FUS: variants seen among roughly 807,000 people sequenced by gnomAD.
FUS encodes RNA-binding protein FUS.
A neutral mutation model predicts 82.7 loss-of-function variants in FUS; 5 were observed. That is an observed-to-expected ratio of 0.06 (90% confidence interval 0.03 to 0.13). The LOEUF is 0.13. Among genes scored for constraint, FUS ranks in the 10% least tolerant of loss-of-function variants. The pLI is 1.00. For missense variants in FUS, 512 were observed against 707.8 expected, an observed-to-expected ratio of 0.72 and a Z score of 3.14; for synonymous variants, 281 against 247.4, an observed-to-expected ratio of 1.14 and a Z score of -1.27.
downstream of FUS, chr16:31,192,125 G>A (rs549602004): frequency 1.5e-3 from 781 of 531,302 alleles, 6 homozygotes; most frequent in South Asian, 0.012. Context: ...CTGCCCTGGT[G>A]AACAGCGCTT....
At chr16:31,193,737 A>G, downstream of FUS, 4 of 532,180 alleles carry the variant, frequency 7.5e-6, no homozygotes, top group Non-Finnish European at 1.5e-5. Context: ...CTCTCAAGCC[A>G]ACCTCCCACC....
At chr16:31,184,491 T>A in intron 5 of FUS, 95 bp downstream of exon 5, 1 of 1,196,052 alleles carries the variant, frequency 8.4e-7, no homozygotes, top group Non-Finnish European at 1.2e-6. Context: ...TTGCTGAGGC[T>A]GGAGTGCAGT....
In FUS at chr16:31,185,129, C is replaced by T. The variant is rs368618806; in HGVS notation, c.714C>T (p.Gly238=). 1.5e-4 allele frequency: 245 copies of T among 1,610,522 alleles called. No individual in the cohort carries two copies. The highest frequency in any genetic ancestry group is 1.4e-5 in the Non-Finnish European group (16 of 1,178,640). ...GGGGYNRSSG[G]YEPRGRGGGR... is the part of the protein sequence containing the mutation. ...GTGGTTACAACCGCAGCAGTGGTGG[C>T]TATGAACCCAGAGGTCGTGGAGGTG... The change falls in exon 6 of 15, where the codon GGC becomes GGT. Residue 238 remains glycine, a synonymous_variant. Coordinates refer to ENST00000254108, the MANE Select transcript of FUS (RefSeq NM_004960.4).
Position 31,183,848 on chromosome 16 carries a change from AT to A in FUS, c.191-9del. ...TGGCTTTTGTGACTCCCTTTTTCTT[AT>A]CCTGGTAGCAGGCTATGGAACTCAG... On this transcript the variant is annotated splice_polypyrimidine_tract_variant and intron_variant, in intron 3 of 14. Coordinates refer to ENST00000254108, the MANE Select transcript of FUS (RefSeq NM_004960.4). The A allele has an allele frequency of 1.2e-6, 2 of 1,613,956 alleles. No homozygotes were observed. Among genetic ancestry groups the A allele is most frequent in the Non-Finnish European group, 1.7e-6 (2 of 1,180,012 alleles).
At chr16:31,185,578 C>G (rs1403339813) in intron 6 of FUS, 1 of 531,680 alleles carries the variant, frequency 1.9e-6, no homozygotes, top group African/African-American at 1.9e-5. Context: ...CCCATGTGTC[C>G]TCTAGGGAGT....
Position 31,182,522 on chromosome 16 carries a change from C to G in FUS, c.48C>G (p.Ala16=). The G allele has an allele frequency of 1.9e-6, 3 of 1,614,104 alleles. No homozygotes were observed. Among genetic ancestry groups the G allele is most frequent in the East Asian group, 2.2e-5 (1 of 44,872 alleles). ...TTTTCCTTTTATTTAGCTATGGGGC[C>G]TACCCCACCCAGCCCGGGCAGGGCT... The part of the protein sequence containing the change: ...YTQQATQSYG[A]YPTQPGQGYS... Residue 16 remains alanine (A), a synonymous_variant, in exon 3 of 15, where the codon GCC becomes GCG. Coordinates refer to ENST00000254108, the MANE Select transcript of FUS (RefSeq NM_004960.4).
At chr16:31,194,167 T>C (rs753284063), downstream of FUS, 14 of 531,162 alleles carry the variant, frequency 2.6e-5, no homozygotes, top group South Asian at 1.8e-4. Context: ...TACTTGGATG[T>C]AGGGCTGCAG....
downstream of FUS, chr16:31,192,434 T>G (rs1389598809): frequency 5.7e-6 from 3 of 523,124 alleles, no homozygotes; most frequent in Admixed American, 6.7e-5. Flanking sequence ...GAGCGTAACA[T>G]TAACCCAAGA....
rs1452330341 is a variant in FUS, at chr16:31,189,715, A to C, written c.987A>C (p.Glu329Asp). Reference protein sequence around the residue: ...QPMINLYTDRETGKLKGEATV... With the variant: ...QPMINLYTDRDTGKLKGEATV... ...TGATTAATTTGTACACAGACAGGGA[A>C]ACTGGCAAGCTGAAGGGAGAGGCAA... Residue 329 changes from glutamate (E) to aspartate (D), a missense_variant, in exon 10 of 15, where the codon GAA becomes GAC. By Grantham distance (45) the Glu-to-Asp change is conservative. Coordinates refer to ENST00000254108, the MANE Select transcript of FUS (RefSeq NM_004960.4). 6.2e-7 allele frequency: 1 copy of C among 1,614,096 alleles called. No homozygotes were observed. Among genetic ancestry groups the C allele is most frequent in the Admixed American group, 1.7e-5 (1 of 60,006 alleles).
At position 31,190,795 on chromosome 16, in the gene FUS, C is replaced by T. The variant is rs1354039004; in HGVS notation, c.1346C>T (p.Ala449Val). 1 of 1,614,192 alleles carries T rather than the reference C, an allele frequency of 6.2e-7. No individual in the cohort carries two copies. The highest frequency in any genetic ancestry group is 8.5e-7 in the Non-Finnish European group (1 of 1,180,040). The change falls in exon 13 of 15, where the codon GCC (alanine) becomes GTC (valine). Residue 449 changes from alanine to valine, a missense_variant. By Grantham distance (64) the Ala-to-Val change is moderately conservative (BLOSUM62 0). This residue lies in a region of FUS where 96 missense variants were observed against 120.7 expected (regional missense o/e 0.80). Coordinates refer to ENST00000254108, the MANE Select transcript of FUS (RefSeq NM_004960.4). ...SWRNECNQCK[A>V]PKPDGPGGGP... is the part of the protein sequence containing the mutation. ...AGGAATGAATGCAACCAGTGTAAGGCCCCTAAACCAGATGGCCCAGGAGGG... is the reference window on the plus strand; with the variant it reads ...AGGAATGAATGCAACCAGTGTAAGGTCCCTAAACCAGATGGCCCAGGAGGG...
rs1475895765 is a variant in FUS, at chr16:31,180,230, A to AGGT, written c.13+4_13+6dup. 2 of 1,610,756 alleles carry AGGT rather than the reference A, an allele frequency of 1.2e-6. No individual in the cohort carries two copies. The highest frequency in any genetic ancestry group is 1.7e-6 in the Non-Finnish European group (2 of 1,178,586). On this transcript the variant is annotated splice_donor_region_variant and intron_variant, in intron 1 of 14. Transcript: ENST00000254108. ...GTGCGCGGACATGGCCTCAAACGGT[A>AGGT]GGTAAGGGCGCGAGGCGACGGCGGC...
At chr16:31,180,577 T>A (rs904366394) in intron 1 of FUS, among the ~76,000 whole-genome samples, 1 of 152,220 alleles carries the variant, frequency 6.6e-6, no homozygotes, top group Admixed American at 6.5e-5. Context: ...GAGCCCGCTT[T>A]GTCGCAGTGC....
downstream of FUS, chr16:31,193,731 C>G: frequency 3.8e-6 from 2 of 532,124 alleles, no homozygotes; most frequent in African/African-American, 1.9e-5. Flanking sequence ...TGGTGCCTCT[C>G]AAGCCAACCT....
chr16:31,180,184 TGCTTGCTTGCCTGTGCGCGCGTGC>T lies in FUS; in HGVS notation c.-28_-5del. Reference sequence around the variant, plus strand: ...GTACTCAGCGGTGTTGGAACTTCGTTGCTTGCTTGCCTGTGCGCGCGTGCGCGGACATGGCCTCAAACGGTAGGT... The same window carrying T: ...GTACTCAGCGGTGTTGGAACTTCGTTGCGGACATGGCCTCAAACGGTAGGT... On this transcript the variant is annotated 5_prime_UTR_variant, in exon 1 of 15. Coordinates refer to ENST00000254108, the MANE Select transcript of FUS (RefSeq NM_004960.4). The T allele has an allele frequency of 6.2e-7, 1 of 1,608,658 alleles. No homozygotes were observed. The highest frequency in any genetic ancestry group is 8.5e-7 in the Non-Finnish European group (1 of 1,177,284).
At chr16:31,187,585 GT>G (rs2079289056) in intron 7 of FUS, 1 of 230,416 alleles carries the variant, frequency 4.3e-6, no homozygotes, top group Non-Finnish European at 8.6e-6. Context: ...TTAACAAAAG[GT>G]TTCTTGATTT....
chr16:31,186,862 C>T (rs758510297), intron 7 of FUS, 26 bp downstream of exon 7: 3 of 1,601,754 alleles, frequency 1.9e-6, no homozygotes, highest in Non-Finnish European at 1.7e-6. Flanking sequence ...TTCCAAAATT[C>T]CCAACTCCCA....
chr16:31,188,267 G>A (rs565243106), intron 7 of FUS, 58 bp from the exon 8 acceptor site: 3 of 1,575,330 alleles, frequency 1.9e-6, no homozygotes, highest in East Asian at 2.2e-5. Flanking sequence ...GTTGACTAAC[G>A]GCTCATCTTT....
chr16:31,194,697 A>G (rs2079401421), downstream of FUS: 1 of 486,832 alleles, frequency 2.1e-6, no homozygotes, highest in East Asian at 4.8e-5. Context: ...AAATCAGGCT[A>G]ATATATCCAT....
intron 8 of FUS, chr16:31,188,838 G>A: frequency 2.0e-6 from 1 of 509,352 alleles, no homozygotes; most frequent in East Asian, 3.4e-5. Context: ...GATAAATACT[G>A]ATGGACTTTT....
Sources: allele counts gnomAD v4.1 joint callset (sites outside exome capture counted in the v4.1 genomes callset), GRCh38; gene constraint gnomAD v4.1.1; regional missense constraint gnomAD v4.1.1; transcripts MANE v1.5; gene names NCBI Gene and HGNC (gene_info 2026-07-23, HGNC 2026-07-21).